The following DIP2A variants were observed in gnomAD, a reference collection of about 807,000 sequenced individuals.
The protein encoded by DIP2A is DIP2 acetate--CoA ligase A.
Under a neutral mutation model 177.4 loss-of-function variants are expected in DIP2A, and 85 were observed. The observed-to-expected ratio is 0.48, with a 90% CI of 0.40 to 0.57. The LOEUF is 0.57. Among genes scored for constraint, DIP2A ranks in the 20% least tolerant of loss-of-function variants. The pLI is 0.00. For missense variants in DIP2A, 1,791 were observed against 2,100.2 expected, an observed-to-expected ratio of 0.85 and a Z score of 2.88; for synonymous variants, 886 against 881.8, an observed-to-expected ratio of 1.00 and a Z score of -0.08.
At position 46,548,730 on chromosome 21, in the gene DIP2A, A is replaced by G. The variant is rs77098842; in HGVS notation, c.2523-1041A>G. Among the ~76,000 whole-genome samples, 203 of 148,414 alleles carry G rather than the reference A, an allele frequency of 1.4e-3. 1 individual carries two copies. Among genetic ancestry groups the G allele is most frequent in the Non-Finnish European group, 2.6e-3 (172 of 67,062 alleles). On this transcript the variant is annotated intron_variant, in intron 21 of 37. Coordinates refer to ENST00000417564, the MANE Select transcript of DIP2A (RefSeq NM_015151.4). ...TGGTGTCCAGATAGCAGACTCAAGGAGAAGGGATATGTTTAGTGGTGGTTA... is the reference window on the plus strand; with the variant it reads ...TGGTGTCCAGATAGCAGACTCAAGGGGAAGGGATATGTTTAGTGGTGGTTA...
chr21:46,508,891 T>C (rs1244769823), intron 6 of DIP2A, among the ~76,000 whole-genome samples: 1 of 151,886 alleles, frequency 6.6e-6, no homozygotes, highest in African/African-American at 2.4e-5. Context: ...TGGTGGCGCA[T>C]GCCTGTAGAC....
intron 19 of DIP2A, 136 bp from the exon 20 acceptor site, chr21:46,545,745 A>G: frequency 2.0e-6 from 2 of 1,020,286 alleles, no homozygotes; most frequent in East Asian, 2.4e-5. Flanking sequence ...AACTGGGCCT[A>G]TGCAGGGCCA....
intron 12 of DIP2A, 86 bp downstream of exon 12, chr21:46,534,199 C>G: frequency 8.8e-7 from 1 of 1,130,270 alleles, no homozygotes; most frequent in Non-Finnish European, 1.3e-6. Flanking sequence ...AGTTGCTATT[C>G]TTTTTTGTTA....
chr21:46,501,969 G>T (rs1164610540), intron 5 of DIP2A, among the ~76,000 whole-genome samples: 1 of 152,116 alleles, frequency 6.6e-6, no homozygotes, highest in Non-Finnish European at 1.5e-5. Context: ...GGTATATTCT[G>T]CTATGCAGAC....
At chr21:46,529,244 T>C in intron 9 of DIP2A, 61 bp downstream of exon 9, 1 of 1,005,784 alleles carries the variant, frequency 9.9e-7, no homozygotes, top group South Asian at 1.6e-5. Flanking sequence ...AATAATCTGT[T>C]TCATTGAAAT....
chr21:46,518,152 G>A (rs1892692), intron 8 of DIP2A, among the ~76,000 whole-genome samples: 52,758 of 152,118 alleles, frequency 0.35, 9,636 homozygotes, highest in Middle Eastern at 0.45. Context: ...TAAGCATTAT[G>A]CTGTTGCTGG....
At chr21:46,575,091 G>A in the DIP2A span, among the ~76,000 whole-genome samples, 2 of 151,916 alleles carry the variant, frequency 1.3e-5, no homozygotes, top group Non-Finnish European at 2.9e-5. Context: ...TACAAAGTGG[G>A]GTTTACTCCT....
chr21:46,475,379 CATTGTTA>C (rs1479200066), intron 1 of DIP2A, among the ~76,000 whole-genome samples: 1 of 152,204 alleles, frequency 6.6e-6, no homozygotes, highest in Non-Finnish European at 1.5e-5. Flanking sequence ...CTTTCACTGA[CATTGTTA>C]TCTACCTGTA....
Position 46,481,519 on chromosome 21 carries a change from A to G in DIP2A, c.92-3238A>G, listed in dbSNP as rs370446423. ...GTCTGGTGAGTGTTTGCTTTACTGT[A>G]TAAAGAACTTCCACACTGTTTTCCA... On this transcript the variant is annotated intron_variant, in intron 1 of 37. Transcript: ENST00000417564. 2.3e-4 allele frequency among the ~76,000 whole-genome samples: 35 copies of G among 152,350 alleles called. No homozygotes were observed. The East Asian group carries it at 2.7e-3, about 12-fold the overall frequency.
chr21:46,568,711 T>C lies in DIP2A; in HGVS notation c.*1089T>C, dbSNP rs1255153191. ...TGCTAGTTTTCCTAACACTACAATA[T>C]TAATTCTTCTCGTGGAAGTGTACTG... On this transcript the variant is annotated 3_prime_UTR_variant, in exon 38 of 38. Transcript: ENST00000417564. 1 of 152,244 alleles carries C rather than the reference T, an allele frequency of 6.6e-6. No homozygotes were observed. The highest frequency in any genetic ancestry group is 6.5e-5 in the Admixed American group (1 of 15,280). 9.4% of individuals were successfully genotyped at this position (152,244 alleles called of 1,614,324 possible). A position where few individuals can be genotyped will look rare whatever the true frequency, so the allele number is the denominator to read the frequency against.
chr21:46,467,227 C>T (rs539842931), intron 1 of DIP2A, among the ~76,000 whole-genome samples: 18 of 141,056 alleles, frequency 1.3e-4, no homozygotes, highest in African/African-American at 3.5e-4. Flanking sequence ...ACCTGGGAGG[C>T]GGAGGTTGCA....
Position 46,551,837 on chromosome 21 carries a change from C to A in DIP2A, c.2963C>A (p.Ala988Asp). 6.2e-7 allele frequency: 1 copy of A among 1,612,546 alleles called. No homozygotes were observed. ...CCTCTCGTGCAGTTCCTGTTCCTGG[C>A]TGACGTGCTGCAGTGGCGTGCCCAC... ...SDQARKFLFL[A>D]DVLQWRAHTT... Residue 988 changes from alanine (A) to aspartate (D), a missense_variant, in exon 25 of 38, where the codon GCT becomes GAT. Transcript: ENST00000417564.
At chr21:46,461,332 G>A (rs2054295633) in intron 1 of DIP2A, among the ~76,000 whole-genome samples, 1 of 138,204 alleles carries the variant, frequency 7.2e-6, no homozygotes, top group East Asian at 2.4e-4. Flanking sequence ...TTGGTGATTA[G>A]ATGCTCCTAG....
chr21:46,467,223 G>C (rs572458332), intron 1 of DIP2A, among the ~76,000 whole-genome samples: 1 of 151,424 alleles, frequency 6.6e-6, no homozygotes, highest in South Asian at 2.1e-4. Context: ...GTGAACCTGG[G>C]AGGCGGAGGT....
At position 46,496,953 on chromosome 21, in the gene DIP2A, T is replaced by A. The variant is rs951904338; in HGVS notation, c.284-35T>A. On this transcript the variant is annotated intron_variant, in intron 3 of 37. Coordinates refer to ENST00000417564, the MANE Select transcript of DIP2A (RefSeq NM_015151.4). ...ATTTGTTACTTTATAAACAGTCTTG[T>A]AAAAAGTATTTTTACTGCTGTCCTT... The A allele has an allele frequency of 8.9e-6, 14 of 1,569,474 alleles. No homozygotes were observed. The East Asian group carries it at 3.2e-4, about 36-fold the overall frequency.
intron 34 of DIP2A, among the ~76,000 whole-genome samples, chr21:46,562,982 T>C (rs2060718310): frequency 6.6e-6 from 1 of 152,236 alleles, no homozygotes; most frequent in Non-Finnish European, 1.5e-5. Context: ...ACAGCCGCAC[T>C]GTAATTGTTT....
At chr21:46,470,574 C>T (rs186367587) in intron 1 of DIP2A, among the ~76,000 whole-genome samples, 5 of 152,018 alleles carry the variant, frequency 3.3e-5, no homozygotes, top group Admixed American at 2.6e-4. Context: ...AGTTGAAGAC[C>T]AGCCTGACCA....
rs2060507687 is a variant in DIP2A, at chr21:46,557,455, C to G, written c.3630-130C>G. 8.5e-7 allele frequency: 1 copy of G among 1,170,568 alleles called. No homozygotes were observed. The highest frequency in any genetic ancestry group is 1.5e-5 in the African/African-American group (1 of 65,032). 72.5% of individuals were successfully genotyped at this position (1,170,568 alleles called of 1,614,324 possible). Reference sequence around the variant, plus strand: ...GTGGCATGTTTTCCACCAAACCCCCCCACTTGGCGTCAGAACAGAAATCAT... The same window carrying G: ...GTGGCATGTTTTCCACCAAACCCCCGCACTTGGCGTCAGAACAGAAATCAT... On this transcript the variant is annotated intron_variant, in intron 30 of 37. Transcript: ENST00000417564. The surrounding 1 kb of genome is among the most constrained non-coding windows in gnomAD (Gnocchi z 6.0).
At chr21:46,470,623 T>A (rs2055278941) in intron 1 of DIP2A, among the ~76,000 whole-genome samples, 1 of 151,762 alleles carries the variant, frequency 6.6e-6, no homozygotes, top group African/African-American at 2.4e-5. Context: ...ACAAAAAAAT[T>A]AGGTGGGTGT....
Sources: gnomAD v4.1 joint callset for allele counts (sites outside exome capture counted in the v4.1 genomes callset) on GRCh38, gnomAD v4.1.1 for gene constraint, Gnocchi (gnomAD v3.1) non-coding constraint, MANE v1.5 for transcripts, NCBI Gene and HGNC (gene_info 2026-07-23, HGNC 2026-07-21) for gene names.